ECPAS: variants seen among roughly 807,000 people sequenced by gnomAD.
ECPAS encodes Ecm29 proteasome adaptor and scaffold.
In ECPAS, 70 loss-of-function variants were observed where a neutral mutation model predicts 255.1. The ratio of observed to expected loss-of-function variants is 0.27; its 90% CI spans 0.23 to 0.33. The LOEUF (loss-of-function observed/expected upper bound fraction) is 0.33. Among genes scored for constraint, ECPAS ranks in the 10% least tolerant of loss-of-function variants. The pLI, the probability that ECPAS is intolerant of heterozygous loss-of-function variation, is 1.00. For synonymous variants in ECPAS, 784 were observed against 775.0 expected (o/e 1.01, Z -0.19); for missense variants, 1,817 against 2,206.4 (o/e 0.82, Z 3.54).
At position 111,426,784 on chromosome 9, in the gene ECPAS, T is replaced by C. The variant is rs567448971; in HGVS notation, c.1051-956A>G. On this transcript the variant is annotated intron_variant, in intron 10 of 49. Coordinates refer to ENST00000684092, the MANE Select transcript of ECPAS (RefSeq NM_001364929.1). Reference sequence around the variant, plus strand: ...GAGTTCTAGACCAGCCTGGGCAACATAGTGAAACTCCATCTGTACAAAAAA... The same window carrying C: ...GAGTTCTAGACCAGCCTGGGCAACACAGTGAAACTCCATCTGTACAAAAAA... Among the ~76,000 whole-genome samples, 13 of 150,286 alleles carry C rather than the reference T, an allele frequency of 8.7e-5. No individual in the cohort carries two copies. In the South Asian group the frequency reaches 1.7e-3, roughly 19 times the overall value.
intron 1 of ECPAS, among the ~76,000 whole-genome samples, chr9:111,478,862 T>C (rs1313975253): frequency 2.0e-5 from 3 of 152,232 alleles, no homozygotes; most frequent in Non-Finnish European, 4.4e-5. Context: ...TTGTAATTCC[T>C]TTGGTGGGCT....
Position 111,449,478 on chromosome 9 carries a change from G to A in ECPAS, c.153+1947C>T, listed in dbSNP as rs142203507. 4.3e-3 allele frequency among the ~76,000 whole-genome samples: 648 copies of A among 151,850 alleles called. 4 individuals are homozygous for A. Among genetic ancestry groups the A allele is most frequent in the African/African-American group, 0.014 (594 of 41,424 alleles). ...TATTCCATAACATCATGTTGTAAAC[G>A]TCAAATATACATAATAAAATTTATT... On this transcript the variant is annotated intron_variant, in intron 3 of 49. Coordinates refer to ENST00000684092, the MANE Select transcript of ECPAS (RefSeq NM_001364929.1).
chr9:111,421,156 C>A (rs1446380819), intron 15 of ECPAS, among the ~76,000 whole-genome samples: 2 of 152,134 alleles, frequency 1.3e-5, no homozygotes, highest in African/African-American at 4.8e-5. Context: ...AGGACTCCAT[C>A]ATAGTAAGCT....
At chr9:111,424,478 G>A (rs552069788) in intron 12 of ECPAS, among the ~76,000 whole-genome samples, 3 of 152,200 alleles carry the variant, frequency 2.0e-5, no homozygotes, top group African/African-American at 7.2e-5. Context: ...AGCTTAGACT[G>A]GGGAAAATAA....
At chr9:111,450,878 T>C (rs763286532) in intron 3 of ECPAS, among the ~76,000 whole-genome samples, 60 of 152,320 alleles carry the variant, frequency 3.9e-4, no homozygotes, top group Non-Finnish European at 5.7e-4. Flanking sequence ...TGAGCTGTGA[T>C]TGTGCCACTG....
intron 41 of ECPAS, 59 bp from the exon 42 acceptor site, chr9:111,372,679 A>C: frequency 1.5e-6 from 2 of 1,310,118 alleles, no homozygotes; most frequent in South Asian, 1.4e-5. Flanking sequence ...TAACTGATCT[A>C]AACAGGCTAT....
At chr9:111,378,751 A>G (rs1469205199) in intron 35 of ECPAS, 21 bp from the exon 36 acceptor site, 1 of 1,588,726 alleles carries the variant, frequency 6.3e-7, no homozygotes, top group East Asian at 2.3e-5. Flanking sequence ...ATGGAACACA[A>G]CTCCTGAGTC....
At chr9:111,407,400 T>C (rs2098185860) in intron 24 of ECPAS, among the ~76,000 whole-genome samples, 1 of 7,362 alleles carries the variant, frequency 1.4e-4, no homozygotes, top group Non-Finnish European at 3.0e-4. Flanking sequence ...AAACTCCATC[T>C]CAGAAAAAAA....
chr9:111,408,577 A>T lies in ECPAS; in HGVS notation c.2646T>A (p.Ser882=). The T allele has an allele frequency of 3.8e-6, 6 of 1,558,768 alleles. No individual in the cohort carries two copies. The highest frequency in any genetic ancestry group is 5.2e-6 in the Non-Finnish European group (6 of 1,154,262). Residue 882 remains serine (S), a synonymous_variant, in exon 24 of 50, where the codon TCT becomes TCA. Coordinates refer to ENST00000684092, the MANE Select transcript of ECPAS (RefSeq NM_001364929.1). The part of the protein sequence containing the change: ...QKLLLQGLMD[S]VEAKQIELQF... ...CAGGTAGCAATATAAATACCTCCAC[A>T]GAATCCATCAGACCTTGCAAGAGGA...
At chr9:111,482,412 G>C (rs1254638990) in intron 1 of ECPAS, among the ~76,000 whole-genome samples, 2 of 152,168 alleles carry the variant, frequency 1.3e-5, no homozygotes, top group Non-Finnish European at 2.9e-5. Context: ...GCCTCACAAG[G>C]TTGCTATGAG....
chr9:111,427,271 T>G (rs530653342), intron 10 of ECPAS, among the ~76,000 whole-genome samples: 2 of 152,228 alleles, frequency 1.3e-5, no homozygotes, highest in East Asian at 3.9e-4. Context: ...AGTAATAGTT[T>G]GAATTAATAG....
At chr9:111,395,445 G>C (rs2098166224) in intron 25 of ECPAS, among the ~76,000 whole-genome samples, 2 of 152,150 alleles carry the variant, frequency 1.3e-5, no homozygotes, top group South Asian at 4.1e-4. Flanking sequence ...ATTCACGTCA[G>C]AGATTCATCA....
intron 32 of ECPAS, among the ~76,000 whole-genome samples, 171 bp from the exon 33 acceptor site, chr9:111,385,613 G>A (rs762930979): frequency 6.6e-6 from 1 of 152,106 alleles, no homozygotes; most frequent in Non-Finnish European, 1.5e-5. Context: ...ATATATATAT[G>A]TAATTTACAA....
In ECPAS at chr9:111,451,560, A is replaced by G. The variant is rs1319025122; in HGVS notation, c.23-5T>C. 6.5e-7 allele frequency: 1 copy of G among 1,537,794 alleles called. No individual in the cohort carries two copies. Among genetic ancestry groups the G allele is most frequent in the Non-Finnish European group, 8.7e-7 (1 of 1,149,228 alleles). On this transcript the variant is annotated splice_region_variant and splice_polypyrimidine_tract_variant and intron_variant, in intron 2 of 49. Coordinates refer to ENST00000684092, the MANE Select transcript of ECPAS (RefSeq NM_001364929.1). Reference sequence around the variant, plus strand: ...AAAAGACCCGTTCAAGCTGATCTATAATATAAAAAGAAAAAAAGAGAGAAC... The same window carrying G: ...AAAAGACCCGTTCAAGCTGATCTATGATATAAAAAGAAAAAAAGAGAGAAC...
chr9:111,416,519 C>T (rs1202471143), intron 17 of ECPAS, among the ~76,000 whole-genome samples, 167 bp from the exon 18 acceptor site: 1 of 152,188 alleles, frequency 6.6e-6, no homozygotes, highest in Non-Finnish European at 1.5e-5. Flanking sequence ...GTGCATGTCC[C>T]TCACACACTA....
At chr9:111,421,391 A>G (rs2098213408) in intron 15 of ECPAS, among the ~76,000 whole-genome samples, 1 of 147,932 alleles carries the variant, frequency 6.8e-6, no homozygotes. Flanking sequence ...AAGCAAATAT[A>G]TATTACATAT....
intron 46 of ECPAS, among the ~76,000 whole-genome samples, chr9:111,367,293 C>G (rs1287553000): frequency 6.6e-6 from 1 of 152,136 alleles, no homozygotes; most frequent in African/African-American, 2.4e-5. Context: ...AGGATTGTCT[C>G]ATAAGAGCTT....
chr9:111,436,441 T>C (rs915931711), intron 7 of ECPAS, among the ~76,000 whole-genome samples: 2 of 152,208 alleles, frequency 1.3e-5, no homozygotes, highest in African/African-American at 4.8e-5. Flanking sequence ...TGCCAATTTT[T>C]AAATTCCCAA....
intron 1 of ECPAS, among the ~76,000 whole-genome samples, chr9:111,478,642 A>G (rs575680899): frequency 3.9e-5 from 6 of 152,352 alleles, no homozygotes; most frequent in Admixed American, 3.3e-4. Flanking sequence ...TGCAGATTTC[A>G]TTTAAATTGA....
Sources: allele counts gnomAD v4.1 joint callset (sites outside exome capture counted in the v4.1 genomes callset), GRCh38; gene constraint gnomAD v4.1.1; transcripts MANE v1.5; gene names NCBI Gene and HGNC (gene_info 2026-07-23, HGNC 2026-07-21).